Variants in LAP3 observed in about 807,000 individuals in gnomAD.
LAP3 encodes cytosol aminopeptidase.
Under a neutral mutation model 58.8 loss-of-function variants are expected in LAP3, and 46 were observed. The observed-to-expected ratio is 0.78, with a 90% CI of 0.62 to 1.00. The LOEUF (loss-of-function observed/expected upper bound fraction) is 1.00. LAP3 is among the 50% of genes least tolerant of loss of function. LAP3 has a pLI of 0.00. For missense variants in LAP3, 615 were observed against 659.1 expected (o/e 0.93, Z 0.73); for synonymous variants, 257 against 237.7 (o/e 1.08, Z -0.75).
chr4:17,601,648 G>A (rs1713983794), intron 10 of LAP3, among the ~76,000 whole-genome samples: 6 of 152,144 alleles, frequency 3.9e-5, no homozygotes, highest in Admixed American at 2.6e-4. Context: ...CATCCCTTAT[G>A]TAAAATGGCA....
intron 1 of LAP3, 140 bp downstream of exon 1, chr4:17,577,707 C>A: frequency 3.1e-6 from 2 of 654,084 alleles, no homozygotes; most frequent in South Asian, 2.0e-5. Context: ...AAATTCTCTC[C>A]TTGCGGGGAT....
intron 4 of LAP3, 60 bp downstream of exon 4, chr4:17,582,453 T>C (rs1216251211): frequency 1.5e-6 from 2 of 1,316,036 alleles, no homozygotes; most frequent in Admixed American, 2.0e-5. Context: ...ATGACCTCTC[T>C]TTCCCCTTTT....
chr4:17,603,211 C>A (rs934206159), intron 10 of LAP3, among the ~76,000 whole-genome samples: 3 of 151,578 alleles, frequency 2.0e-5, no homozygotes, highest in Non-Finnish European at 4.4e-5. Context: ...CAGGATGCTG[C>A]GGGAGAGAAT....
Position 17,606,824 on chromosome 4 carries a change from T to A in LAP3, c.1261-5T>A, listed in dbSNP as rs1279652848. ...ACTCTTCCACCTGTCATACCTGTTC[T>A]CTAGGCCAGCATTGAAACAGGGGAC... On this transcript the variant is annotated splice_polypyrimidine_tract_variant and splice_region_variant and intron_variant, in intron 11 of 12. Transcript: ENST00000226299. The A allele has an allele frequency of 1.1e-5, 18 of 1,606,188 alleles. No homozygotes were observed. Among genetic ancestry groups the A allele is most frequent in the Non-Finnish European group, 1.5e-5 (18 of 1,175,516 alleles).
At position 17,577,354 on chromosome 4, in the gene LAP3, A is replaced by G; in HGVS notation, c.-112A>G. 1.4e-6 allele frequency: 1 copy of G among 703,822 alleles called. No individual in the cohort carries two copies. 43.6% of individuals were successfully genotyped at this position (703,822 alleles called of 1,614,324 possible). A position where few individuals can be genotyped will look rare whatever the true frequency, so the allele number is the denominator to read the frequency against. On this transcript the variant is annotated 5_prime_UTR_variant, in exon 1 of 13. Transcript: ENST00000226299. ...CGCACGTCCGCTCGCCCGGCGCCCG[A>G]GCCAGTCCGCGCGCACGCCGTCTGC...
intron 2 of LAP3, among the ~76,000 whole-genome samples, chr4:17,580,806 CATT>C (rs1713343499): frequency 6.6e-6 from 1 of 152,146 alleles, no homozygotes; most frequent in African/African-American, 2.4e-5. Flanking sequence ...GGTAGGGAAA[CATT>C]GTAACTGCAT....
chr4:17,579,965 T>C, intron 2 of LAP3, 26 bp downstream of exon 2: 1 of 1,265,708 alleles, frequency 7.9e-7, no homozygotes, highest in Non-Finnish European at 1.1e-6. Context: ...GGGCTCTAGT[T>C]CTTAAAGTGC....
chr4:17,607,387 T>A lies in LAP3; in HGVS notation c.1371-13T>A. ...ACATGGGGTTGTAAAGTGCTTTTTG[T>A]CTTTCTCTTCAGATCTGCAGGAGCA... is the stretch of plus-strand genomic sequence containing the variant. On this transcript the variant is annotated splice_polypyrimidine_tract_variant and intron_variant, in intron 12 of 12. Coordinates refer to ENST00000226299, the MANE Select transcript of LAP3 (RefSeq NM_015907.3). The A allele has an allele frequency of 6.2e-7, 1 of 1,605,220 alleles. No homozygotes were observed. Among genetic ancestry groups the A allele is most frequent in the Non-Finnish European group, 8.5e-7 (1 of 1,176,560 alleles).
At chr4:17,600,455 T>G (rs772814252) in intron 10 of LAP3, among the ~76,000 whole-genome samples, 1 of 152,202 alleles carries the variant, frequency 6.6e-6, no homozygotes, top group Non-Finnish European at 1.5e-5. Context: ...ACCCCCTTAC[T>G]GTAAATGAGG....
At position 17,607,065 on chromosome 4, in the gene LAP3, G is replaced by A; in HGVS notation, c.1370+127G>A. The A allele has an allele frequency of 5.1e-6, 3 of 590,238 alleles. No individual in the cohort carries two copies. The South Asian group carries it at 7.8e-5, about 15-fold the overall frequency. 36.6% of individuals were successfully genotyped at this position (590,238 alleles called of 1,614,324 possible). ...TTTCCTTTTGGTGTAGTGCTTGTAA[G>A]ATTTTTAATGTCTTGAATTTTCAAG... On this transcript the variant is annotated intron_variant, in intron 12 of 12. Transcript: ENST00000226299.
At chr4:17,597,175 C>T in intron 9 of LAP3, 41 bp downstream of exon 9, 1 of 1,538,052 alleles carries the variant, frequency 6.5e-7, no homozygotes, top group Non-Finnish European at 9.0e-7. Flanking sequence ...TCCAGCGTTC[C>T]TCAGGAATCC....
chr4:17,588,906 T>G lies in LAP3; in HGVS notation c.792T>G (p.Ile264Met), dbSNP rs199946213. The G allele has an allele frequency of 6.2e-7, 1 of 1,614,188 alleles. No individual in the cohort carries two copies. The highest frequency in any genetic ancestry group is 2.2e-5 in the East Asian group (1 of 44,878). Residue 264 changes from isoleucine (I) to methionine (M), a missense_variant, in exon 7 of 13, where the codon ATT (isoleucine) becomes ATG (methionine). Coordinates refer to ENST00000226299, the MANE Select transcript of LAP3 (RefSeq NM_015907.3). The stretch of plus-strand genomic sequence containing the variant: ...ACGAGCCCCCAGTCTTCTTGGAAAT[T>G]CACTACAAAGGCAGCCCCAATGCAA... ...GSDEPPVFLE[I>M]HYKGSPNANE...
intron 7 of LAP3, among the ~76,000 whole-genome samples, chr4:17,590,833 C>G (rs1441320607): frequency 1.3e-5 from 2 of 151,656 alleles, no homozygotes; most frequent in Admixed American, 1.3e-4. Flanking sequence ...GTCTCCTGAA[C>G]TGCTGGGATT....
At chr4:17,589,041 G>T in intron 7 of LAP3, 64 bp downstream of exon 7, 2 of 1,519,184 alleles carry the variant, frequency 1.3e-6, no homozygotes, top group South Asian at 1.2e-5. Flanking sequence ...TTAATTACTT[G>T]GTTATAGGGT....
chr4:17,601,713 ATTAG>A (rs1254565388), intron 10 of LAP3, among the ~76,000 whole-genome samples: 1 of 152,136 alleles, frequency 6.6e-6, no homozygotes, highest in Non-Finnish European at 1.5e-5. Context: ...TCATCTCTAG[ATTAG>A]TTATACTGCC....
At chr4:17,580,346 C>G (rs1713326360) in intron 2 of LAP3, among the ~76,000 whole-genome samples, 1 of 148,780 alleles carries the variant, frequency 6.7e-6, no homozygotes, top group Non-Finnish European at 1.5e-5. Flanking sequence ...GCCTTTTTGT[C>G]AGAAGAGACA....
intron 10 of LAP3, among the ~76,000 whole-genome samples, chr4:17,600,448 C>T (rs1713955108): frequency 6.6e-6 from 1 of 152,074 alleles, no homozygotes; most frequent in Non-Finnish European, 1.5e-5. Flanking sequence ...AGCGAGTACC[C>T]CCTTACTGTA....
At chr4:17,602,780 G>A (rs1714011204) in intron 10 of LAP3, among the ~76,000 whole-genome samples, 2 of 151,942 alleles carry the variant, frequency 1.3e-5, no homozygotes, top group Admixed American at 1.3e-4. Flanking sequence ...TGCCTCCTGG[G>A]TTCAAGCCAT....
chr4:17,598,619 C>A, intron 10 of LAP3, 61 bp downstream of exon 10: 2 of 1,187,948 alleles, frequency 1.7e-6, no homozygotes, highest in East Asian at 4.7e-5. Flanking sequence ...GCATGGATTT[C>A]ACACACTATA....
Sources: gnomAD v4.1 joint callset for allele counts (sites outside exome capture counted in the v4.1 genomes callset) on GRCh38, gnomAD v4.1.1 for gene constraint, MANE v1.5 for transcripts, NCBI Gene and HGNC (gene_info 2026-07-23, HGNC 2026-07-21) for gene names.